NTN4: variants seen among roughly 807,000 people sequenced by gnomAD.
NTN4 encodes the protein netrin 4, also known as netrin-4.
NTN4 carries 32 observed loss-of-function variants against 73.6 expected under a neutral mutation model. The observed-to-expected ratio is 0.44, with a 90% confidence interval of 0.33 to 0.58. NTN4 has a LOEUF of 0.58. Among genes scored for constraint, NTN4 ranks in the 20% least tolerant of loss-of-function variants. The pLI, the probability that NTN4 is intolerant of heterozygous loss-of-function variation, is 0.04. For missense variants in NTN4, 654 were observed against 798.3 expected (o/e 0.82, Z 2.18); for synonymous variants, 258 against 287.5 (o/e 0.90, Z 1.04).
chr12:95,719,096 C>G (rs1001374633), intron 3 of NTN4, among the ~76,000 whole-genome samples: 2 of 152,040 alleles, frequency 1.3e-5, no homozygotes, highest in Non-Finnish European at 2.9e-5. Flanking sequence ...GTTTGAGTCT[C>G]TTGTTGATCA....
rs535411978 is a variant in NTN4 at position 95,785,713 on chromosome 12, T to C, written c.585+1226A>G. Among the ~76,000 whole-genome samples, 7 of 152,280 alleles carry C rather than the reference T, an allele frequency of 4.6e-5. No individual in the cohort carries two copies. The South Asian group carries it at 1.5e-3, about 32-fold the overall frequency. Reference sequence around the variant, plus strand: ...GCAGAATTAGTAGCGTTGAATACAGTGCCTGAGGGGGTCAATACATGCTGA... The same window carrying C: ...GCAGAATTAGTAGCGTTGAATACAGCGCCTGAGGGGGTCAATACATGCTGA... On this transcript the variant is annotated intron_variant, in intron 2 of 9. Transcript: ENST00000343702.
intron 2 of NTN4, among the ~76,000 whole-genome samples, chr12:95,751,489 G>A (rs1196903144): frequency 2.6e-5 from 4 of 152,030 alleles, no homozygotes; most frequent in African/African-American, 4.8e-5. Context: ...AGGAATGCCC[G>A]CAGCCCGGGA....
At chr12:95,786,709 A>G (rs999396053) in intron 2 of NTN4, among the ~76,000 whole-genome samples, 8 of 152,180 alleles carry the variant, frequency 5.3e-5, no homozygotes, top group African/African-American at 1.9e-4. Context: ...TATATGTGAA[A>G]AATTTGAATC....
intron 3 of NTN4, among the ~76,000 whole-genome samples, chr12:95,733,994 C>T (rs1203127489): frequency 1.4e-5 from 2 of 147,152 alleles, no homozygotes; most frequent in African/African-American, 2.5e-5. Flanking sequence ...TGCTTGAACC[C>T]GGGAGGGGGA....
At chr12:95,695,407 C>T (rs143485987) in intron 5 of NTN4, among the ~76,000 whole-genome samples, 2,060 of 152,202 alleles carry the variant, frequency 0.014, 45 homozygotes, top group African/African-American at 0.046. Context: ...CTCTGTCGCC[C>T]AGGCTGGAGT....
intron 3 of NTN4, among the ~76,000 whole-genome samples, chr12:95,714,044 T>C (rs1237490252): frequency 1.3e-5 from 2 of 152,206 alleles, no homozygotes; most frequent in African/African-American, 2.4e-5. Flanking sequence ...GTTAGGGCTT[T>C]GAATACAGTT....
chr12:95,768,470 A>G (rs2079034939), intron 2 of NTN4, among the ~76,000 whole-genome samples: 1 of 151,996 alleles, frequency 6.6e-6, no homozygotes, highest in Non-Finnish European at 1.5e-5. Flanking sequence ...AGGGTCAGAG[A>G]GTGAGAAAGA....
At chr12:95,773,349 T>A (rs1452992335) in intron 2 of NTN4, among the ~76,000 whole-genome samples, 1 of 152,220 alleles carries the variant, frequency 6.6e-6, no homozygotes, top group African/African-American at 2.4e-5. Flanking sequence ...AATGACTTTA[T>A]AAGTAAGCCC....
chr12:95,790,375 C>A lies in NTN4; in HGVS notation c.-66G>T, dbSNP rs1214880672. 1.2e-5 allele frequency: 16 copies of A among 1,329,582 alleles called. No individual in the cohort carries two copies. The highest frequency in any genetic ancestry group is 1.6e-5 in the Non-Finnish European group (16 of 991,414). 82.4% of individuals were successfully genotyped at this position (1,329,582 alleles called of 1,614,324 possible). A position where few individuals can be genotyped will look rare whatever the true frequency, so the allele number is the denominator to read the frequency against. ...GGAGGGAGCCGAGACCTCTGGGCTG[C>A]GGGATGAAGCGCCGCCGTCCTCGGG... is the stretch of plus-strand genomic sequence containing the variant. On this transcript the variant is annotated 5_prime_UTR_variant, in exon 1 of 10. Transcript: ENST00000343702. This position sits in a 1 kb window ranked among gnomAD's most constrained non-coding sequence, Gnocchi z 6.5.
At chr12:95,724,565 A>G (rs992497438) in intron 3 of NTN4, among the ~76,000 whole-genome samples, 1 of 152,224 alleles carries the variant, frequency 6.6e-6, no homozygotes, top group African/African-American at 2.4e-5. Context: ...GCATTAGAAT[A>G]TCAAATTGGC....
In NTN4 at chr12:95,735,902, A is replaced by AAAAT. The variant is rs2078772577; in HGVS notation, c.864+1963_864+1964insATTT. ...AAATGCCTGCTCATGATTTTTTTTAAATTTTTATTTATTTATTTATTTATT... is the reference window on the plus strand; with the variant it reads ...AAATGCCTGCTCATGATTTTTTTTAAAAATATTTTTATTTATTTATTTATTTATT... On this transcript the variant is annotated intron_variant, in intron 3 of 9. Coordinates refer to ENST00000343702, the MANE Select transcript of NTN4 (RefSeq NM_021229.4). Among the ~76,000 whole-genome samples the AAAAT allele has an allele frequency of 3.8e-5, 5 of 132,842 alleles. No individual in the cohort carries two copies. In the Admixed American group the frequency reaches 4.0e-4, roughly 11 times the overall value. The allele number at this position is 132,842 out of a possible 152,430, so 87.1% of individuals were successfully genotyped here.
At chr12:95,771,292 A>G (rs1403173717) in intron 2 of NTN4, among the ~76,000 whole-genome samples, 1 of 152,130 alleles carries the variant, frequency 6.6e-6, no homozygotes, top group East Asian at 1.9e-4. Flanking sequence ...CGGGGCCAAG[A>G]ATTTGTTTCT....
intron 2 of NTN4, among the ~76,000 whole-genome samples, chr12:95,770,147 T>C (rs1188957364): frequency 6.6e-6 from 1 of 152,160 alleles, no homozygotes; most frequent in East Asian, 1.9e-4. Context: ...CAGGCCATAT[T>C]TAGTTTTCTT....
chr12:95,684,672 T>C (rs563000204), intron 5 of NTN4, among the ~76,000 whole-genome samples: 5 of 152,240 alleles, frequency 3.3e-5, no homozygotes, highest in East Asian at 1.9e-4. Context: ...GAATTACTTA[T>C]TGCTCACAGT....
At chr12:95,750,591 G>A (rs542965901) in intron 2 of NTN4, among the ~76,000 whole-genome samples, 66 of 152,206 alleles carry the variant, frequency 4.3e-4, no homozygotes, top group South Asian at 4.1e-3. Context: ...GGTGCCTGAC[G>A]TCCAGGCATT....
At chr12:95,755,639 C>T (rs1237593636) in intron 2 of NTN4, among the ~76,000 whole-genome samples, 1 of 152,100 alleles carries the variant, frequency 6.6e-6, no homozygotes, top group Admixed American at 6.5e-5. Flanking sequence ...TGAGATAGGA[C>T]AATATAACCT....
chr12:95,736,826 C>T (rs1014558867), intron 3 of NTN4, among the ~76,000 whole-genome samples: 3 of 152,216 alleles, frequency 2.0e-5, no homozygotes, highest in Admixed American at 2.0e-4. Context: ...GCTGCCCCAG[C>T]GACTCAGCCC....
At chr12:95,698,327 A>G (rs912771264) in intron 5 of NTN4, among the ~76,000 whole-genome samples, 1 of 152,244 alleles carries the variant, frequency 6.6e-6, no homozygotes, top group Non-Finnish European at 1.5e-5. Context: ...CCAAATGCTC[A>G]TTCTCTTCTT....
chr12:95,778,527 T>C (rs1159844289), intron 2 of NTN4, among the ~76,000 whole-genome samples: 2 of 152,130 alleles, frequency 1.3e-5, no homozygotes. Context: ...GAGAATACTA[T>C]AAACACCTCT....
Sources: allele counts gnomAD v4.1 joint callset (sites outside exome capture counted in the v4.1 genomes callset), GRCh38; gene constraint gnomAD v4.1.1; non-coding constraint Gnocchi (gnomAD v3.1); transcripts MANE v1.5; gene names NCBI Gene and HGNC (gene_info 2026-07-23, HGNC 2026-07-21).